CMSS1: variants seen among roughly 807,000 people sequenced by gnomAD.
CMSS1 encodes protein CMSS1.
Under a neutral mutation model 43.5 loss-of-function variants are expected in CMSS1, and 33 were observed. The observed-to-expected ratio is 0.76, with a 90% CI of 0.57 to 1.01. The LOEUF (loss-of-function observed/expected upper bound fraction) is 1.01, where lower values mean the gene tolerates loss of function less well. Ranked by LOEUF, CMSS1 falls within the 50% of genes least tolerant of loss-of-function variation. The pLI, the probability that CMSS1 is intolerant of heterozygous loss-of-function variation, is 0.00. For synonymous variants in CMSS1, 115 were observed against 117.2 expected (o/e 0.98, Z 0.12); for missense variants, 313 against 326.4 (o/e 0.96, Z 0.32).
intron 1 of CMSS1, among the ~76,000 whole-genome samples, chr3:99,878,917 T>C (rs1289609726): frequency 6.6e-6 from 1 of 152,218 alleles, no homozygotes; most frequent in Non-Finnish European, 1.5e-5. Flanking sequence ...TTTTATTCTC[T>C]TGGTTTCTGA....
At chr3:99,854,748 G>T (rs1018403066) in intron 1 of CMSS1, among the ~76,000 whole-genome samples, 2 of 152,164 alleles carry the variant, frequency 1.3e-5, no homozygotes, top group African/African-American at 4.8e-5. Flanking sequence ...TGGCATGTGT[G>T]TATGTCAGTC....
intron 1 of CMSS1, among the ~76,000 whole-genome samples, chr3:99,993,767 A>G (rs1284627701): frequency 5.3e-5 from 8 of 152,140 alleles, no homozygotes; most frequent in Non-Finnish European, 1.2e-4. Flanking sequence ...TTGATGTGAC[A>G]TATCATGTTT....
chr3:99,855,137 T>C (rs1343851675), intron 1 of CMSS1, among the ~76,000 whole-genome samples: 1 of 152,208 alleles, frequency 6.6e-6, no homozygotes, highest in Non-Finnish European at 1.5e-5. Context: ...ATTATTGATT[T>C]ATACCCAGTC....
intron 1 of CMSS1, among the ~76,000 whole-genome samples, chr3:100,100,295 G>C (rs2066282745): frequency 6.6e-6 from 1 of 152,128 alleles, no homozygotes; most frequent in Non-Finnish European, 1.5e-5. Flanking sequence ...TCTGTGAAAA[G>C]GGTAAAATGT....
At chr3:100,032,469 G>C (rs2065037095) in intron 1 of CMSS1, among the ~76,000 whole-genome samples, 1 of 152,200 alleles carries the variant, frequency 6.6e-6, no homozygotes, top group South Asian at 2.1e-4. Context: ...GGTGGTTTCT[G>C]TTATCTGTGA....
intron 1 of CMSS1, among the ~76,000 whole-genome samples, chr3:99,917,302 A>G (rs1706984032): frequency 6.6e-6 from 1 of 152,124 alleles, no homozygotes; most frequent in Non-Finnish European, 1.5e-5. Flanking sequence ...TAAATTATCT[A>G]CAGATTATTT....
chr3:100,175,738 A>G (rs2067142945), intron 8 of CMSS1, among the ~76,000 whole-genome samples: 1 of 152,186 alleles, frequency 6.6e-6, no homozygotes, highest in South Asian at 2.1e-4. Flanking sequence ...AGGACTACAC[A>G]TTCCCTGAGG....
intron 1 of CMSS1, among the ~76,000 whole-genome samples, chr3:100,140,463 G>T (rs1416128605): frequency 6.6e-6 from 1 of 151,660 alleles, no homozygotes; most frequent in African/African-American, 2.4e-5. Context: ...CTTAGGCCTG[G>T]CTTCTTTTGC....
chr3:100,088,009 G>C (rs1448528450), intron 1 of CMSS1, among the ~76,000 whole-genome samples: 1 of 151,722 alleles, frequency 6.6e-6, no homozygotes, highest in Non-Finnish European at 1.5e-5. Flanking sequence ...TTTTATATTT[G>C]TAGTAGAGAT....
chr3:100,134,500 T>G (rs890516726), intron 1 of CMSS1, among the ~76,000 whole-genome samples: 12 of 152,190 alleles, frequency 7.9e-5, no homozygotes, highest in Admixed American at 3.3e-4. Flanking sequence ...TCATCTCCAT[T>G]TCCTTACTTG....
At chr3:100,146,081 C>T (rs1357019242) in intron 1 of CMSS1, among the ~76,000 whole-genome samples, 4 of 152,178 alleles carry the variant, frequency 2.6e-5, no homozygotes, top group Non-Finnish European at 4.4e-5. Context: ...TACAGAGAAA[C>T]TCAAGGGAAT....
At chr3:99,858,664 A>G (rs115331917) in intron 1 of CMSS1, among the ~76,000 whole-genome samples, 1 of 152,214 alleles carries the variant, frequency 6.6e-6, no homozygotes, top group South Asian at 2.1e-4. Context: ...CACACATTCC[A>G]TTAGCTGTCA....
intron 8 of CMSS1, 38 bp downstream of exon 8, chr3:100,172,441 G>T: frequency 6.5e-7 from 1 of 1,527,182 alleles, no homozygotes; most frequent in South Asian, 1.1e-5. Flanking sequence ...GCCCAGGGCT[G>T]GGAGTTTGCC....
chr3:99,885,666 T>C (rs180780205), intron 1 of CMSS1, among the ~76,000 whole-genome samples: 1 of 152,370 alleles, frequency 6.6e-6, no homozygotes, highest in East Asian at 1.9e-4. Context: ...ACAATATTTG[T>C]CTATATATCT....
chr3:99,841,891 G>A (rs922998018), intron 1 of CMSS1, among the ~76,000 whole-genome samples: 1 of 152,184 alleles, frequency 6.6e-6, no homozygotes, highest in Non-Finnish European at 1.5e-5. Flanking sequence ...TGGTGAGAAT[G>A]TAAACTAGTA....
chr3:100,035,791 G>A (rs1052784413), intron 1 of CMSS1, among the ~76,000 whole-genome samples: 4 of 152,038 alleles, frequency 2.6e-5, no homozygotes, highest in African/African-American at 9.7e-5. Context: ...TGCTCATCAC[G>A]AGCTATAGCA....
At chr3:100,045,264 C>G (rs891778497) in intron 1 of CMSS1, among the ~76,000 whole-genome samples, 5 of 152,194 alleles carry the variant, frequency 3.3e-5, no homozygotes. Context: ...GCGTACAGCA[C>G]ATAGCACAGT....
intron 1 of CMSS1, among the ~76,000 whole-genome samples, chr3:100,123,537 C>T (rs553169474): frequency 3.9e-5 from 6 of 152,198 alleles, no homozygotes; most frequent in African/African-American, 1.4e-4. Flanking sequence ...TTTTGGCTCT[C>T]GTATGGAGAA....
chr3:100,129,205 A>T (rs1336366852), intron 1 of CMSS1, among the ~76,000 whole-genome samples: 1 of 152,206 alleles, frequency 6.6e-6, no homozygotes, highest in Admixed American at 6.5e-5. Flanking sequence ...TTCTCAGAGT[A>T]AGAACCACAT....
Sources: allele counts gnomAD v4.1 joint callset (sites outside exome capture counted in the v4.1 genomes callset), GRCh38; gene constraint gnomAD v4.1.1; transcripts MANE v1.5; gene names NCBI Gene and HGNC (gene_info 2026-07-23, HGNC 2026-07-21).